Variants in BRINP1 observed in about 807,000 individuals in gnomAD.
The protein encoded by BRINP1 is BMP/retinoic acid-inducible neural-specific protein 1.
A neutral mutation model predicts 72.9 loss-of-function variants in BRINP1; 17 were observed. The observed-to-expected ratio is 0.23, with a 90% CI of 0.16 to 0.35. The LOEUF (loss-of-function observed/expected upper bound fraction) is 0.35. Among genes scored for constraint, BRINP1 ranks in the 10% least tolerant of loss-of-function variants. The probability of loss-of-function intolerance (pLI) is 1.00; values close to 1 mark genes in which losing one functional copy is unlikely to be tolerated. For missense variants in BRINP1, 850 were observed against 1,001.6 expected (o/e 0.85, Z 2.04); for synonymous variants, 418 against 378.5 (o/e 1.10, Z -1.21).
rs373828125 is a variant in BRINP1, at chr9:119,167,775, T to C, written c.1595A>G (p.Lys532Arg). The part of the protein sequence containing the change: ...KRMSLTLKSN[K>R]NRMDFIHMVI... ...CATGTGGATGAAGTCCATGCGGTTC[T>C]TGTTGCTCTTGAGAGTGAGGGACAT... Residue 532 changes from lysine to arginine, a missense_variant, in exon 8 of 8, where the codon AAG becomes AGG. By Grantham distance (26) the Lys-to-Arg change is conservative. Transcript: ENST00000265922. This position sits in a 1 kb window ranked among gnomAD's most constrained non-coding sequence, Gnocchi z 4.3. 1.4e-5 allele frequency: 23 copies of C among 1,613,926 alleles called. No individual in the cohort carries two copies. The South Asian group carries it at 1.5e-4, about 11-fold the overall frequency.
Position 119,168,073 on chromosome 9 carries a change from T to C in BRINP1, c.1297A>G (p.Asn433Asp), listed in dbSNP as rs367920075. The C allele has an allele frequency of 6.2e-7, 1 of 1,609,902 alleles. No homozygotes were observed. The highest frequency in any genetic ancestry group is 1.1e-5 in the South Asian group (1 of 90,652). The change falls in exon 8 of 8, where the codon AAC (asparagine) becomes GAC (aspartate). Residue 433 changes from asparagine (N) to aspartate (D), a missense_variant. Coordinates refer to ENST00000265922, the MANE Select transcript of BRINP1 (RefSeq NM_014618.3). ...QRPIPCVIGG[N>D]NSCAMCSLAN... The stretch of plus-strand genomic sequence containing the variant: ...AGGCTGCACATGGCGCAGCTGTTGT[T>C]CCCGCCTATCACGCAGGGGATGGGG...
intron 1 of BRINP1, among the ~76,000 whole-genome samples, chr9:119,367,217 GAT>G (rs755321181): frequency 0.27 from 13,652 of 50,928 alleles, 1,009 homozygotes; most frequent in Admixed American, 0.32. Context: ...GTGTGTGTGT[GAT>G]TGATATATAT....
intron 7 of BRINP1, among the ~76,000 whole-genome samples, chr9:119,179,558 G>A (rs1324543386): frequency 2.0e-5 from 3 of 152,004 alleles, no homozygotes; most frequent in African/African-American, 4.8e-5. Context: ...TGGTTGCTGA[G>A]GTCAAAAAAA....
chr9:119,316,593 A>C (rs1360440497), intron 1 of BRINP1, among the ~76,000 whole-genome samples: 1 of 152,046 alleles, frequency 6.6e-6, no homozygotes, highest in Non-Finnish European at 1.5e-5. Flanking sequence ...GAGTATGCTA[A>C]ATCTACTCTG....
chr9:119,327,504 T>C (rs1032174709), intron 1 of BRINP1, among the ~76,000 whole-genome samples: 9 of 152,210 alleles, frequency 5.9e-5, no homozygotes, highest in Non-Finnish European at 1.3e-4. Context: ...ATGGGAACCT[T>C]CTAAACACAG....
intron 7 of BRINP1, among the ~76,000 whole-genome samples, chr9:119,182,030 G>A (rs913486444): frequency 6.6e-6 from 1 of 152,158 alleles, no homozygotes; most frequent in Non-Finnish European, 1.5e-5. Flanking sequence ...CATAGTAAAT[G>A]ATCCCTCTGA....
chr9:119,359,780 A>G (rs1831609869), intron 1 of BRINP1, among the ~76,000 whole-genome samples: 1 of 152,214 alleles, frequency 6.6e-6, no homozygotes, highest in South Asian at 2.1e-4. Context: ...CTACCTATGC[A>G]TGAGCTTGTT....
Position 119,167,653 on chromosome 9 carries a change from C to T in BRINP1, c.1717G>A (p.Glu573Lys). ...YVNPFSGSHS[E>K]GWNMPFGEFG... ...TCCCCGAAGGGCATGTTCCAGCCCT[C>T]CGAATGGCTCCCGCTAAAGGGGTTG... Residue 573 changes from glutamate to lysine, a missense_variant, in exon 8 of 8, where the codon GAG becomes AAG. Coordinates refer to ENST00000265922, the MANE Select transcript of BRINP1 (RefSeq NM_014618.3). This position sits in a 1 kb window ranked among gnomAD's most constrained non-coding sequence, Gnocchi z 4.3. 1 of 1,614,122 alleles carries T rather than the reference C, an allele frequency of 6.2e-7. No homozygotes were observed. Among genetic ancestry groups the T allele is most frequent in the Non-Finnish European group, 8.5e-7 (1 of 1,180,040 alleles).
chr9:119,209,244 T>TGTTA (rs565717871), intron 6 of BRINP1, among the ~76,000 whole-genome samples: 1 of 152,198 alleles, frequency 6.6e-6, no homozygotes, highest in Non-Finnish European at 1.5e-5. Context: ...TTACTTAACA[T>TGTTA]GTTATTTGAA....
At chr9:119,213,893 C>G in intron 6 of BRINP1, 26 bp downstream of exon 6, 2 of 1,566,360 alleles carry the variant, frequency 1.3e-6, no homozygotes, top group East Asian at 4.5e-5. Flanking sequence ...GCCACTCATG[C>G]AGTGGCACTG....
At chr9:119,332,326 G>A (rs1031390586) in intron 1 of BRINP1, among the ~76,000 whole-genome samples, 1 of 152,176 alleles carries the variant, frequency 6.6e-6, no homozygotes, top group East Asian at 1.9e-4. Context: ...TATGACAGAA[G>A]CTGTGTCAAG....
chr9:119,347,308 G>A (rs1831461562), intron 1 of BRINP1, among the ~76,000 whole-genome samples: 1 of 152,134 alleles, frequency 6.6e-6, no homozygotes, highest in African/African-American at 2.4e-5. Flanking sequence ...AGACAGACTT[G>A]CCTTTGGCTC....
chr9:119,366,372 A>G (rs13290156), intron 1 of BRINP1, among the ~76,000 whole-genome samples: 2 of 152,122 alleles, frequency 1.3e-5, no homozygotes, highest in African/African-American at 4.8e-5. Context: ...GATACAGACC[A>G]GACACTTTGC....
In BRINP1 at chr9:119,355,467, G is replaced by A. The variant is rs190360144; in HGVS notation, c.-51+13589C>T. On this transcript the variant is annotated intron_variant, in intron 1 of 7. Transcript: ENST00000265922. ...CACCCGGCCGGGCACGGTGGCTCAC[G>A]CCTGTAATCCCAGCACTTTGGGAGG... is the stretch of plus-strand genomic sequence containing the variant. 2.6e-3 allele frequency among the ~76,000 whole-genome samples: 390 copies of A among 152,222 alleles called. 3 individuals are homozygous for A. The highest frequency in any genetic ancestry group is 8.9e-3 in the African/African-American group (371 of 41,538).
chr9:119,274,717 C>A (rs1333930966), intron 2 of BRINP1, among the ~76,000 whole-genome samples: 2 of 152,098 alleles, frequency 1.3e-5, no homozygotes, highest in Non-Finnish European at 2.9e-5. Flanking sequence ...CAGTCTCACA[C>A]CCATTCTAAA....
At chr9:119,207,417 A>T (rs1328410438) in intron 7 of BRINP1, among the ~76,000 whole-genome samples, 1 of 152,244 alleles carries the variant, frequency 6.6e-6, no homozygotes, top group Non-Finnish European at 1.5e-5. Flanking sequence ...AAATAATGGC[A>T]AAAACCACGA....
intron 3 of BRINP1, among the ~76,000 whole-genome samples, chr9:119,243,703 C>CT (rs570347299): frequency 3.8e-4 from 58 of 152,238 alleles, no homozygotes; most frequent in Middle Eastern, 3.4e-3. Context: ...TTGATTTGTC[C>CT]TTTTTTTCTC....
rs193093934 is a variant in BRINP1 at position 119,272,478 on chromosome 9, C to T, written c.219-23328G>A. Among the ~76,000 whole-genome samples, 72 of 152,232 alleles carry T rather than the reference C, an allele frequency of 4.7e-4. 1 individual carries two copies. Among genetic ancestry groups the T allele is most frequent in the Admixed American group, 8.5e-4 (13 of 15,294 alleles). On this transcript the variant is annotated intron_variant, in intron 2 of 7. Coordinates refer to ENST00000265922, the MANE Select transcript of BRINP1 (RefSeq NM_014618.3). ...GAAATGAAAGTAAGAGAGACTAAAG[C>T]TGAATTCATAAGAGCAGACAACAAA...
intron 2 of BRINP1, among the ~76,000 whole-genome samples, chr9:119,309,712 G>A (rs533697823): frequency 3.9e-5 from 6 of 152,054 alleles, no homozygotes; most frequent in African/African-American, 7.2e-5. Context: ...ATATCTGAGC[G>A]GTCATTTCTA....
Sources: allele counts gnomAD v4.1 joint callset (sites outside exome capture counted in the v4.1 genomes callset), GRCh38; gene constraint gnomAD v4.1.1; non-coding constraint Gnocchi (gnomAD v3.1); transcripts MANE v1.5; gene names NCBI Gene and HGNC (gene_info 2026-07-23, HGNC 2026-07-21).